The following ASH1L variants were observed in gnomAD, a reference collection of about 807,000 sequenced individuals.
The protein encoded by ASH1L is ASH1 like histone lysine methyltransferase, also known as histone-lysine N-methyltransferase ASH1L.
Under a neutral mutation model 269.0 loss-of-function variants are expected in ASH1L, and 23 were observed. The observed-to-expected ratio is 0.09, with a 90% CI of 0.06 to 0.12. ASH1L has a LOEUF of 0.12. Among genes scored for constraint, ASH1L ranks in the 10% least tolerant of loss-of-function variants. The pLI is 1.00. For synonymous variants in ASH1L, 1,187 were observed against 1,253.5 expected (o/e 0.95, Z 1.12); for missense variants, 2,912 against 3,567.8 (o/e 0.82, Z 4.68).
chr1:155,342,187 G>A (rs1652877799), intron 24 of ASH1L, 85 bp from the exon 25 acceptor site: 3 of 1,296,078 alleles, frequency 2.3e-6, no homozygotes, highest in Non-Finnish European at 3.3e-6. Context: ...ACCAATGGGA[G>A]AGCAGCTAGA....
chr1:155,440,403 A>T, intron 4 of ASH1L: 1 of 174,804 alleles, frequency 5.7e-6, no homozygotes, highest in Non-Finnish European at 1.1e-5. Context: ...CACTATTTCT[A>T]TAATATCCTT....
rs752333944 is a variant in ASH1L, at chr1:155,482,126, C to G, written c.744G>C (p.Leu248Phe). Residue 248 changes from leucine (L) to phenylalanine (F), a missense_variant, in exon 3 of 28, where the codon TTG becomes TTC. Around this residue, in one of 13 missense-constraint regions of ASH1L, gnomAD observed 277 missense variants for 367.7 expected, o/e 0.75. Transcript: ENST00000392403. ...CTTTCCTGATCAAATCCTTGCTAAC[C>G]AATCCTGCTGTAGTGCCAGTTCCTA... ...KKLGTGTTAG[L>F]VSKDLIRKAG... 3.1e-6 allele frequency: 5 copies of G among 1,613,970 alleles called. No individual in the cohort carries two copies. Among genetic ancestry groups the G allele is most frequent in the Middle Eastern group, 1.6e-4 (1 of 6,084 alleles).
At chr1:155,426,961 C>T (rs1308292542) in intron 5 of ASH1L, among the ~76,000 whole-genome samples, 1 of 152,082 alleles carries the variant, frequency 6.6e-6, no homozygotes, top group Non-Finnish European at 1.5e-5. Context: ...ATTTGTTGAA[C>T]AGTTCTTTAT....
Position 155,551,837 on chromosome 1 carries a change from G to A in ASH1L, c.-100+10316C>T, listed in dbSNP as rs189107182. Among the ~76,000 whole-genome samples the A allele has an allele frequency of 9.8e-3, 1,469 of 150,426 alleles. 22 individuals are homozygous for A. The highest frequency in any genetic ancestry group is 0.034 in the African/African-American group (1,392 of 40,710). On this transcript the variant is annotated intron_variant, in intron 1 of 27. Coordinates refer to ENST00000392403, the MANE Select transcript of ASH1L (RefSeq NM_018489.3). ...AAAAAAAAAAAAAAATTAGCCGGGC[G>A]TGGTGGCGGGCGCCTGTAATCCCAG...
intron 2 of ASH1L, among the ~76,000 whole-genome samples, chr1:155,498,382 C>T (rs1057092382): frequency 2.0e-5 from 3 of 152,074 alleles, no homozygotes; most frequent in African/African-American, 7.2e-5. Flanking sequence ...GGACTACAGG[C>T]ACACACCACC....
intron 2 of ASH1L, among the ~76,000 whole-genome samples, chr1:155,501,813 C>T (rs1667521527): frequency 6.6e-6 from 1 of 151,964 alleles, no homozygotes; most frequent in South Asian, 2.1e-4. Context: ...CAGGCACACG[C>T]CACCATGCCC....
At chr1:155,548,537 T>A (rs977862540) in intron 1 of ASH1L, among the ~76,000 whole-genome samples, 3 of 152,006 alleles carry the variant, frequency 2.0e-5, no homozygotes, top group Non-Finnish European at 4.4e-5. Flanking sequence ...AAAAGAGAGA[T>A]AAAAAATAGA....
chr1:155,551,682 C>T (rs1376576175), intron 1 of ASH1L, among the ~76,000 whole-genome samples: 9 of 134,692 alleles, frequency 6.7e-5, no homozygotes, highest in Non-Finnish European at 1.3e-4. Flanking sequence ...AAAAAAGAAT[C>T]TTGCAGGCCA....
chr1:155,463,750 G>A (rs1425196389), intron 3 of ASH1L, among the ~76,000 whole-genome samples: 2 of 152,036 alleles, frequency 1.3e-5, no homozygotes, highest in Non-Finnish European at 1.5e-5. Context: ...AGCTGTGATC[G>A]CACCACTGCA....
chr1:155,390,556 G>T (rs1657827405), intron 7 of ASH1L, among the ~76,000 whole-genome samples: 1 of 151,302 alleles, frequency 6.6e-6, no homozygotes, highest in African/African-American at 2.4e-5. Flanking sequence ...TAATTCTAAA[G>T]ACTTCTGCAG....
chr1:155,490,069 C>T lies in ASH1L; in HGVS notation c.421-7620G>A, dbSNP rs918496210. On this transcript the variant is annotated intron_variant, in intron 2 of 27. Coordinates refer to ENST00000392403, the MANE Select transcript of ASH1L (RefSeq NM_018489.3). ...CTGCAAACTCCGCCTCCCAGGTTCACACCACTCTCCTGCCTCAGCCTCCCA... is the reference window on the plus strand; with the variant it reads ...CTGCAAACTCCGCCTCCCAGGTTCATACCACTCTCCTGCCTCAGCCTCCCA... Among the ~76,000 whole-genome samples the T allele has an allele frequency of 1.2e-3, 186 of 151,436 alleles. 1 individual carries two copies. The highest frequency in any genetic ancestry group is 4.3e-3 in the African/African-American group (178 of 41,390).
chr1:155,478,415 G>A lies in ASH1L; in HGVS notation c.4455C>T (p.His1485=), dbSNP rs1382788417. Residue 1485 remains histidine, a synonymous_variant, in exon 3 of 28, where the codon CAC becomes CAT. Coordinates refer to ENST00000392403, the MANE Select transcript of ASH1L (RefSeq NM_018489.3). The surrounding 1 kb of genome is among the most constrained non-coding windows in gnomAD (Gnocchi z 4.6). ...AACGGTGTTCTCTGTGTTTGTGACG[G>A]TGCCTGTGTTTGTGCTCAACCATCC... ...YGWMVEHKHR[H]RHKHREHRSS... 1 of 1,614,104 alleles carries A rather than the reference G, an allele frequency of 6.2e-7. No individual in the cohort carries two copies. The highest frequency in any genetic ancestry group is 1.1e-5 in the South Asian group (1 of 91,068).
chr1:155,481,344 C>T lies in ASH1L; in HGVS notation c.1526G>A (p.Ser509Asn), dbSNP rs1665947401. The change falls in exon 3 of 28, where the codon AGT (serine) becomes AAT (asparagine). Residue 509 changes from serine (S) to asparagine (N), a missense_variant. By Grantham distance (46) the Ser-to-Asn change is conservative. Around this residue, in one of 13 missense-constraint regions of ASH1L, gnomAD observed 715 missense variants for 721.0 expected, o/e 0.99. Transcript: ENST00000392403. Reference protein sequence around the residue: ...TCIQQDSFSSSEKGSYETSKH... With the variant: ...TCIQQDSFSSNEKGSYETSKH... ...TGAGGTTTCATAAGATCCCTTTTCACTGGATGAGAAACTGTCTTGCTGAAT... is the reference window on the plus strand; with the variant it reads ...TGAGGTTTCATAAGATCCCTTTTCATTGGATGAGAAACTGTCTTGCTGAAT... 7 of 1,614,064 alleles carry T rather than the reference C, an allele frequency of 4.3e-6. No individual in the cohort carries two copies. The highest frequency in any genetic ancestry group is 3.3e-4 in the Middle Eastern group (2 of 6,084).
At position 155,562,612 on chromosome 1, in the gene ASH1L, A is replaced by T; in HGVS notation, c.-559T>A. ...AGCGCGCACGCCCGCCCGCACGCGT[A>T]CGAGTGTCTACGGGCTCGTCGCTGG... On this transcript the variant is annotated 5_prime_UTR_variant, in exon 1 of 28. Transcript: ENST00000392403. The T allele has an allele frequency of 6.5e-7, 1 of 1,527,474 alleles. No individual in the cohort carries two copies. Among genetic ancestry groups the T allele is most frequent in the Non-Finnish European group, 8.8e-7 (1 of 1,141,364 alleles). 94.6% of individuals were successfully genotyped at this position (1,527,474 alleles called of 1,614,324 possible). A position where few individuals can be genotyped will look rare whatever the true frequency, so the allele number is the denominator to read the frequency against.
At chr1:155,545,515 G>A (rs1222159797) in intron 1 of ASH1L, among the ~76,000 whole-genome samples, 1 of 150,636 alleles carries the variant, frequency 6.6e-6, no homozygotes, top group Non-Finnish European at 1.5e-5. Flanking sequence ...AAGCAAGCAA[G>A]ATCTCATATT....
intron 19 of ASH1L, among the ~76,000 whole-genome samples, chr1:155,348,148 C>G (rs533617885): frequency 6.6e-6 from 1 of 152,134 alleles, no homozygotes; most frequent in Non-Finnish European, 1.5e-5. Flanking sequence ...ATTCCTGTCA[C>G]GGGCCTTCTT....
intron 3 of ASH1L, among the ~76,000 whole-genome samples, chr1:155,475,550 G>A (rs916062681): frequency 6.6e-6 from 1 of 151,986 alleles, no homozygotes; most frequent in African/African-American, 2.4e-5. Context: ...AACACTCCAT[G>A]GTATTAACTT....
intron 2 of ASH1L, among the ~76,000 whole-genome samples, chr1:155,488,733 T>C (rs1666527870): frequency 7.0e-6 from 1 of 143,562 alleles, no homozygotes; most frequent in African/African-American, 2.5e-5. Context: ...GATGATATTA[T>C]CCTCTTACAC....
At chr1:155,494,905 T>C (rs537415260) in intron 2 of ASH1L, among the ~76,000 whole-genome samples, 4 of 151,338 alleles carry the variant, frequency 2.6e-5, no homozygotes, top group Admixed American at 1.3e-4. Context: ...ATCATGAAGA[T>C]TGAGAAGCCA....
Sources: gnomAD v4.1 joint callset for allele counts (sites outside exome capture counted in the v4.1 genomes callset) on GRCh38, gnomAD v4.1.1 for gene constraint, gnomAD v4.1.1 regional missense constraint, Gnocchi (gnomAD v3.1) non-coding constraint, MANE v1.5 for transcripts, NCBI Gene and HGNC (gene_info 2026-07-23, HGNC 2026-07-21) for gene names.